The following CD177 variants were observed in gnomAD, a reference collection of about 807,000 sequenced individuals.
The protein encoded by CD177 is CD177 molecule.
CD177 carries 41 observed loss-of-function variants against 38.1 expected under a neutral mutation model. That is an observed-to-expected ratio of 1.07 (90% CI 0.84 to 1.39). CD177 has a LOEUF of 1.39. Ranked by LOEUF, CD177 falls within the 40% of genes most tolerant of loss-of-function variation. The pLI is 0.00. For missense variants in CD177, 619 were observed against 523.8 expected (o/e 1.18, Z -1.77); for synonymous variants, 236 against 216.7 (o/e 1.09, Z -0.78).
Position 43,354,319 on chromosome 19 carries a change from C to A in CD177, c.306C>A (p.Phe102Leu), listed in dbSNP as rs1211212951. 1.9e-6 allele frequency: 3 copies of A among 1,613,824 alleles called. No individual in the cohort carries two copies. Among genetic ancestry groups the A allele is most frequent in the African/African-American group, 2.7e-5 (2 of 74,892 alleles). Residue 102 changes from phenylalanine to leucine, a missense_variant, in exon 3 of 9, where the codon TTC (phenylalanine) becomes TTA (leucine). Transcript: ENST00000618265. The part of the protein sequence containing the change: ...GPGLSLISYT[F>L]VCRQEDFCNN... Reference sequence around the variant, plus strand: ...GCCTCTCCCTGATCTCCTACACCTTCGTGTGCCGCCAGGAGGACTTCTGCA... The same window carrying A: ...GCCTCTCCCTGATCTCCTACACCTTAGTGTGCCGCCAGGAGGACTTCTGCA...
chr19:43,362,172 T>C lies in CD177; in HGVS notation c.1166T>C (p.Ile389Thr). ...TTGAACCACACCAGACAAATCGGGA[T>C]CTTCTCTGCGCGTGAGAAGCGTGAT... Reference protein sequence around the residue: ...FLLNHTRQIGIFSAREKRDVQ... With the variant: ...FLLNHTRQIGTFSAREKRDVQ... Residue 389 changes from isoleucine to threonine, a missense_variant, in exon 9 of 9, where the codon ATC becomes ACC. Ile to Thr is a moderately conservative substitution (Grantham distance 89, BLOSUM62 -1). Coordinates refer to ENST00000618265, the MANE Select transcript of CD177 (RefSeq NM_020406.4). 1.2e-6 allele frequency: 2 copies of C among 1,613,566 alleles called. No individual in the cohort carries two copies. Among genetic ancestry groups the C allele is most frequent in the African/African-American group, 1.3e-5 (1 of 74,942 alleles).
intron 1 of CD177, 33 bp downstream of exon 1, chr19:43,353,799 C>T: frequency 6.2e-7 from 1 of 1,613,936 alleles, no homozygotes; most frequent in Non-Finnish European, 8.5e-7. Context: ...AGGAGATTCC[C>T]TGGAGGCCGG....
chr19:43,354,521 C>A, intron 3 of CD177, 129 bp downstream of exon 3: 1 of 898,430 alleles, frequency 1.1e-6, no homozygotes, highest in African/African-American at 1.6e-5. Flanking sequence ...CCATCCCTCC[C>A]CTGACTGCTC....
At chr19:43,362,030 T>TAA in intron 8 of CD177, 58 bp from the exon 9 acceptor site, 1 of 1,491,326 alleles carries the variant, frequency 6.7e-7, no homozygotes, top group Non-Finnish European at 9.3e-7. Flanking sequence ...GACTCCTGGG[T>TAA]TTACAACTTG....
In CD177 at chr19:43,361,532, C is replaced by T. The variant is rs1192405111; in HGVS notation, c.1034C>T (p.Pro345Leu). The T allele has an allele frequency of 3.6e-5, 57 of 1,588,588 alleles. No homozygotes were observed. Among genetic ancestry groups the T allele is most frequent in the Non-Finnish European group, 4.7e-5 (55 of 1,164,004 alleles). The change falls in exon 8 of 9, where the codon CCC (proline) becomes CTC (leucine). Residue 345 changes from proline (P) to leucine (L), a missense_variant. Transcript: ENST00000618265. ...AGTGGCTCCCCCCGAATGACCTGCC[C>T]CAGGGGCGCCACTCATTGTTATGAT... ...CSSGSPRMTC[P>L]RGATHCYDGY... is the part of the protein sequence containing the mutation.
At chr19:43,354,447 G>A in intron 3 of CD177, 55 bp downstream of exon 3, 2 of 1,577,432 alleles carry the variant, frequency 1.3e-6, no homozygotes, top group African/African-American at 1.3e-5. Flanking sequence ...GGGATCCGCT[G>A]AGCACAGAGG....
chr19:43,354,151 T>G, intron 2 of CD177, 56 bp from the exon 3 acceptor site: 1 of 1,582,810 alleles, frequency 6.3e-7, no homozygotes, highest in Non-Finnish European at 8.6e-7. Context: ...AGCGTCTCCC[T>G]CCAGGACCCT....
chr19:43,355,792 G>C lies in CD177; in HGVS notation c.502+9G>C. 6.2e-7 allele frequency: 1 copy of C among 1,612,922 alleles called. No homozygotes were observed. The highest frequency in any genetic ancestry group is 8.5e-7 in the Non-Finnish European group (1 of 1,179,428). Reference sequence around the variant, plus strand: ...CCTCAGGCTCAGGGGAGGTAAGCCTGGGACATCGGGGTCCCTGTGGGGACT... The same window carrying C: ...CCTCAGGCTCAGGGGAGGTAAGCCTCGGACATCGGGGTCCCTGTGGGGACT... On this transcript the variant is annotated intron_variant, in intron 4 of 8. Coordinates refer to ENST00000618265, the MANE Select transcript of CD177 (RefSeq NM_020406.4).
intron 5 of CD177, 151 bp from the exon 6 acceptor site, chr19:43,360,114 A>T: frequency 1.1e-6 from 1 of 916,002 alleles, no homozygotes; most frequent in East Asian, 2.7e-5. Context: ...TTCGACTCCC[A>T]AGTCCCTTCT....
chr19:43,360,177 A>G, intron 5 of CD177, 88 bp from the exon 6 acceptor site: 2 of 1,475,668 alleles, frequency 1.4e-6, no homozygotes, highest in Non-Finnish European at 1.8e-6. Flanking sequence ...GTGACTCAAG[A>G]GTGTGATCAC....
At position 43,354,288 on chromosome 19, in the gene CD177, GC is replaced by G. The variant is rs765711845; in HGVS notation, c.279del (p.Gly94AlafsTer4). On this transcript the variant is annotated frameshift_variant, in exon 3 of 9. Coordinates refer to ENST00000618265, the MANE Select transcript of CD177 (RefSeq NM_020406.4). LOFTEE classifies it high-confidence loss of function. ...CCCCGCGTCACTGAGCACCGGATGG[GC>G]CCCGGCCTCTCCCTGATCTCCTACA... Reference protein sequence around the residue: ...QEPRVTEHRMGPGLSLISYTF... With the variant: ...QEPRVTEHRMXPGLSLISYTF... 5.6e-6 allele frequency: 9 copies of G among 1,613,816 alleles called. No individual in the cohort carries two copies. Among genetic ancestry groups the G allele is most frequent in the South Asian group, 2.2e-5 (2 of 91,090 alleles).
intron 3 of CD177, among the ~76,000 whole-genome samples, chr19:43,355,234 C>G (rs1028908792): frequency 6.6e-6 from 1 of 150,682 alleles, no homozygotes. Context: ...CTGCGTCAGC[C>G]TCCCACGTAG....
chr19:43,353,916 C>A lies in CD177; in HGVS notation c.116C>A (p.Pro39His). ...VQHVWKVSDLPRQWTPKNTSC... is the reference protein window; with the variant it reads ...VQHVWKVSDLHRQWTPKNTSC... ...CATGTGTGGAAGGTGTCCGACCTGCCCCGGCAATGGACCCCTAAGAACACC... is the reference window on the plus strand; with the variant it reads ...CATGTGTGGAAGGTGTCCGACCTGCACCGGCAATGGACCCCTAAGAACACC... The change falls in exon 2 of 9, where the codon CCC (proline) becomes CAC (histidine). Residue 39 changes from proline to histidine, a missense_variant. By Grantham distance (77) the Pro-to-His change is moderately conservative. Transcript: ENST00000618265. The A allele has an allele frequency of 6.2e-7, 1 of 1,613,858 alleles. No individual in the cohort carries two copies. Among genetic ancestry groups the A allele is most frequent in the Non-Finnish European group, 8.5e-7 (1 of 1,179,840 alleles).
At position 43,354,804 on chromosome 19, in the gene CD177, A is replaced by T. The variant is rs1304330376; in HGVS notation, c.379+412A>T. 6.6e-5 allele frequency among the ~76,000 whole-genome samples: 10 copies of T among 152,194 alleles called. No individual in the cohort carries two copies. The East Asian group carries it at 1.9e-3, about 29-fold the overall frequency. ...CTTTCCACTTTCCTTGTCTGGTGTT[A>T]TAAAGAGTCTAGGGAGATATTTTGC... On this transcript the variant is annotated intron_variant, in intron 3 of 8. Transcript: ENST00000618265.
At chr19:43,354,716 G>T (rs1969898742) in intron 3 of CD177, among the ~76,000 whole-genome samples, 1 of 152,132 alleles carries the variant, frequency 6.6e-6, no homozygotes, top group African/African-American at 2.4e-5. Flanking sequence ...GTTGCGTTTG[G>T]TTCAAGAAGT....
At chr19:43,354,504 G>C (rs1020800147) in intron 3 of CD177, 112 bp downstream of exon 3, 1 of 1,125,356 alleles carries the variant, frequency 8.9e-7, no homozygotes, top group Non-Finnish European at 1.3e-6. Flanking sequence ...CCCGACCCTC[G>C]CTGGCTCCAT....
At chr19:43,363,334 A>C (rs1392713962), downstream of CD177, among the ~76,000 whole-genome samples, 2 of 152,088 alleles carry the variant, frequency 1.3e-5, no homozygotes, top group Admixed American at 6.5e-5. Flanking sequence ...CCATAGCCCA[A>C]AAAGGGTGAG....
downstream of CD177, among the ~76,000 whole-genome samples, chr19:43,365,948 CAG>C (rs1241941807): frequency 1.3e-5 from 2 of 152,148 alleles, no homozygotes; most frequent in Non-Finnish European, 2.9e-5. Context: ...TTTGGTAGCT[CAG>C]AGAGCACCCG....
Position 43,363,114 on chromosome 19 carries a change from T to A in CD177, c.*794T>A, listed in dbSNP as rs1334565081. 6.6e-6 allele frequency: 1 copy of A among 152,186 alleles called. No individual in the cohort carries two copies. Among genetic ancestry groups the A allele is most frequent in the Non-Finnish European group, 1.5e-5 (1 of 68,040 alleles). The allele number at this position is 152,186 out of a possible 1,614,324, so 9.4% of individuals were successfully genotyped here. On this transcript the variant is annotated 3_prime_UTR_variant, in exon 9 of 9. Transcript: ENST00000618265. ...ACACCACGGCAAGTATTTGTGCATC[T>A]ACACACATCTAAACATAGAAAAGGT...
Sources: gnomAD v4.1 joint callset for allele counts (sites outside exome capture counted in the v4.1 genomes callset) on GRCh38, gnomAD v4.1.1 for gene constraint, MANE v1.5 for transcripts, NCBI Gene and HGNC (gene_info 2026-07-23, HGNC 2026-07-21) for gene names.